The following MYO3B variants were observed in gnomAD, a reference collection of about 807,000 sequenced individuals.
MYO3B encodes the protein myosin-IIIb.
A neutral mutation model predicts 174.6 loss-of-function variants in MYO3B; 156 were observed. That is an observed-to-expected ratio of 0.89 (90% confidence interval 0.78 to 1.02). The LOEUF (loss-of-function observed/expected upper bound fraction) is 1.02. Among genes scored for constraint, MYO3B ranks in the 50% least tolerant of loss-of-function variants. The pLI, the probability that MYO3B is intolerant of heterozygous loss-of-function variation, is 0.00. For synonymous variants in MYO3B, 563 were observed against 569.1 expected, an observed-to-expected ratio of 0.99 and a Z score of 0.15; for missense variants, 1,632 against 1,639.4, an observed-to-expected ratio of 1.00 and a Z score of 0.08.
intron 32 of MYO3B, among the ~76,000 whole-genome samples, chr2:170,551,765 C>T (rs79003727): frequency 0.013 from 1,964 of 152,168 alleles, 50 homozygotes; most frequent in East Asian, 0.089. Flanking sequence ...TGTCCCCACC[C>T]AAATCTCATG....
At chr2:170,291,260 A>G (rs2093594096) in intron 7 of MYO3B, among the ~76,000 whole-genome samples, 1 of 152,146 alleles carries the variant, frequency 6.6e-6, no homozygotes, top group Non-Finnish European at 1.5e-5. Context: ...GAAAAAAAGA[A>G]ACAAACAAAC....
intron 32 of MYO3B, among the ~76,000 whole-genome samples, chr2:170,638,107 TCTCACACA>T (rs1697674589): frequency 6.7e-6 from 1 of 149,236 alleles, no homozygotes; most frequent in Non-Finnish European, 1.5e-5. Flanking sequence ...TCTCTCTCTC[TCTCACACA>T]CACACACACC....
In MYO3B at chr2:170,537,804, T is replaced by C. The variant is rs538848304; in HGVS notation, c.3576-5102T>C. Among the ~76,000 whole-genome samples the C allele has an allele frequency of 7.9e-5, 12 of 152,300 alleles. No individual in the cohort carries two copies. In the South Asian group the frequency reaches 2.5e-3, roughly 32 times the overall value. On this transcript the variant is annotated intron_variant, in intron 30 of 34. Transcript: ENST00000408978. ...AAGAGGTGGAAACAAATTACTTGGC[T>C]ATGCTGATTGCCTTTCTTTTGGGGC...
At chr2:170,565,744 A>C (rs1692031239) in intron 32 of MYO3B, among the ~76,000 whole-genome samples, 1 of 152,208 alleles carries the variant, frequency 6.6e-6, no homozygotes, top group African/African-American at 2.4e-5. Flanking sequence ...AGAGAAAGAG[A>C]TTAGTAGTGG....
chr2:170,419,906 C>T (rs771527064), intron 22 of MYO3B, among the ~76,000 whole-genome samples: 1 of 152,018 alleles, frequency 6.6e-6, no homozygotes, highest in Non-Finnish European at 1.5e-5. Context: ...AGAATGAAGC[C>T]GGGTGTGGTG....
rs757737932 is a variant in MYO3B at position 170,206,296 on chromosome 2, T to G, written c.321+6012T>G. Among the ~76,000 whole-genome samples, 1 of 152,212 alleles carries G rather than the reference T, an allele frequency of 6.6e-6. No homozygotes were observed. The highest frequency in any genetic ancestry group is 1.5e-5 in the Non-Finnish European group (1 of 68,028). On this transcript the variant is annotated intron_variant, in intron 3 of 34. Coordinates refer to ENST00000408978, the MANE Select transcript of MYO3B (RefSeq NM_138995.5). This position sits in a 1 kb window ranked among gnomAD's most constrained non-coding sequence, Gnocchi z 4.3. ...TGGGAAGTTTTCCTAGACTGTCCCCTCTTTGCCCTCCCTCAGCAGAGTTCA... is the reference window on the plus strand; with the variant it reads ...TGGGAAGTTTTCCTAGACTGTCCCCGCTTTGCCCTCCCTCAGCAGAGTTCA...
intron 22 of MYO3B, among the ~76,000 whole-genome samples, chr2:170,426,042 A>G (rs1159329031): frequency 3.3e-5 from 5 of 151,764 alleles, no homozygotes; most frequent in African/African-American, 1.2e-4. Context: ...ATGAGACAAA[A>G]GTAAGTAGAT....
At chr2:170,500,218 A>G (rs1037773112) in intron 27 of MYO3B, among the ~76,000 whole-genome samples, 6 of 152,376 alleles carry the variant, frequency 3.9e-5, no homozygotes, top group African/African-American at 1.4e-4. Flanking sequence ...CTCAAAGGCC[A>G]GATGGTTGAA....
chr2:170,374,171 A>T (rs78322289), intron 9 of MYO3B, among the ~76,000 whole-genome samples: 4,773 of 152,296 alleles, frequency 0.031, 256 homozygotes, highest in African/African-American at 0.11. Context: ...GAAAGCAGAC[A>T]TTATGGTCTT....
At chr2:170,298,539 C>G (rs2093642540) in intron 7 of MYO3B, among the ~76,000 whole-genome samples, 1 of 151,556 alleles carries the variant, frequency 6.6e-6, no homozygotes, top group African/African-American at 2.4e-5. Context: ...GCCTGGTGTG[C>G]TGGCGGGGAC....
At chr2:170,544,025 C>T in intron 32 of MYO3B, 37 bp downstream of exon 32, 1 of 1,471,220 alleles carries the variant, frequency 6.8e-7, no homozygotes, top group Non-Finnish European at 9.5e-7. Flanking sequence ...CGGCTTCTAC[C>T]ATTTGCATGT....
chr2:170,223,708 TA>T (rs1328972437), intron 6 of MYO3B, among the ~76,000 whole-genome samples: 5 of 152,332 alleles, frequency 3.3e-5, no homozygotes, highest in South Asian at 4.1e-4. Flanking sequence ...GGCAGGGGGT[TA>T]GGGGTAGTTG....
At position 170,602,786 on chromosome 2, in the gene MYO3B, G is replaced by T. The variant is rs117630029; in HGVS notation, c.3734-48842G>T. On this transcript the variant is annotated intron_variant, in intron 32 of 34. Coordinates refer to ENST00000408978, the MANE Select transcript of MYO3B (RefSeq NM_138995.5). ...GACAAAATCTTTAAGAATGACTTCT[G>T]CCAGGCGCAGTGACTCACACCTGTA... is the stretch of plus-strand genomic sequence containing the variant. 4.2e-4 allele frequency among the ~76,000 whole-genome samples: 64 copies of T among 152,322 alleles called. 1 individual carries two copies. The East Asian group carries it at 0.011, about 25-fold the overall frequency.
At chr2:170,602,286 C>T (rs910684029) in intron 32 of MYO3B, 10 of 741,486 alleles carry the variant, frequency 1.3e-5, no homozygotes, top group Admixed American at 7.2e-5. Flanking sequence ...CCGGCTCTCA[C>T]TTGCCCCGGC....
At position 170,315,392 on chromosome 2, in the gene MYO3B, C is replaced by T. The variant is rs139015284; in HGVS notation, c.750-19993C>T. 4.0e-3 allele frequency among the ~76,000 whole-genome samples: 611 copies of T among 151,958 alleles called. 1 individual carries two copies. The highest frequency in any genetic ancestry group is 0.024 in the South Asian group (114 of 4,804). ...AGTGGCACGATCTCACTTGAACCTC[C>T]GCCTCCAGGTTCAAGTGATTCTCCT... On this transcript the variant is annotated intron_variant, in intron 7 of 34. Transcript: ENST00000408978.
At chr2:170,234,193 CAAAACAAAAAAA>C (rs1559322097) in intron 6 of MYO3B, among the ~76,000 whole-genome samples, 1 of 33,996 alleles carries the variant, frequency 2.9e-5, no homozygotes, top group Non-Finnish European at 8.9e-5. Context: ...AAAAACAAAA[CAAAACAAAAAAA>C]AAACACCTGT....
chr2:170,515,072 C>T lies in MYO3B; in HGVS notation c.3472+50C>T, dbSNP rs1992223. The T allele has an allele frequency of 7.0e-3, 10,589 of 1,516,826 alleles. 590 individuals are homozygous for T. In the African/African-American group the frequency reaches 0.12, roughly 18 times the overall value. 94.0% of individuals were successfully genotyped at this position (1,516,826 alleles called of 1,614,324 possible). On this transcript the variant is annotated intron_variant, in intron 29 of 34. Transcript: ENST00000408978. ...GAGTGTTCTAAATTCAGGGGCATTC[C>T]GGAGAAGGTTCCAAAGCTGGAAGTG...
At chr2:170,288,911 TA>T (rs2105412247) in intron 7 of MYO3B, among the ~76,000 whole-genome samples, 1 of 152,258 alleles carries the variant, frequency 6.6e-6, no homozygotes, top group South Asian at 2.1e-4. Flanking sequence ...TGAGGGTTTT[TA>T]TATAAAGCAA....
At chr2:170,566,823 G>A (rs1282298922) in intron 32 of MYO3B, among the ~76,000 whole-genome samples, 1 of 152,078 alleles carries the variant, frequency 6.6e-6, no homozygotes, top group Non-Finnish European at 1.5e-5. Context: ...CTGTCTTACT[G>A]GTACCTCCTG....
Sources: allele counts gnomAD v4.1 joint callset (sites outside exome capture counted in the v4.1 genomes callset), GRCh38; gene constraint gnomAD v4.1.1; non-coding constraint Gnocchi (gnomAD v3.1); transcripts MANE v1.5; gene names NCBI Gene and HGNC (gene_info 2026-07-23, HGNC 2026-07-21).